Variants in CNTNAP5 observed in about 807,000 individuals in gnomAD.
CNTNAP5 encodes the protein contactin associated protein family member 5, also known as contactin-associated protein-like 5.
In CNTNAP5, 72 loss-of-function variants were observed where a neutral mutation model predicts 150.2. The observed-to-expected ratio is 0.48, with a 90% CI of 0.40 to 0.58. The LOEUF (loss-of-function observed/expected upper bound fraction) is 0.58. CNTNAP5 is among the 20% of genes least tolerant of loss of function. The pLI, the probability that CNTNAP5 is intolerant of heterozygous loss-of-function variation, is 0.00. For missense variants in CNTNAP5, 1,636 were observed against 1,626.2 expected (o/e 1.01, Z -0.10); for synonymous variants, 672 against 619.8 (o/e 1.08, Z -1.25).
intron 22 of CNTNAP5, 88 bp downstream of exon 22, chr2:124,903,188 A>G (rs1678451053): frequency 1.3e-6 from 1 of 795,242 alleles, no homozygotes; most frequent in Non-Finnish European, 1.9e-6. Flanking sequence ...AGAGTTGGCT[A>G]ATGTGACTCA....
chr2:124,420,792 G>A (rs944192685), intron 4 of CNTNAP5, among the ~76,000 whole-genome samples: 2 of 152,104 alleles, frequency 1.3e-5, no homozygotes, highest in Admixed American at 6.5e-5. Flanking sequence ...ATGTACTTCA[G>A]GCACGTTTAA....
At chr2:124,686,203 G>T (rs186903606) in intron 13 of CNTNAP5, among the ~76,000 whole-genome samples, 142 of 152,166 alleles carry the variant, frequency 9.3e-4, no homozygotes, top group Middle Eastern at 6.8e-3. Flanking sequence ...ACTCAGCTGT[G>T]AGCTGGCAAC....
At chr2:124,409,352 G>A (rs372698972) in intron 3 of CNTNAP5, among the ~76,000 whole-genome samples, 27 of 23,154 alleles carry the variant, frequency 1.2e-3, no homozygotes, top group South Asian at 2.1e-3. Context: ...GCAGGCCAAC[G>A]TTCAGATTCA....
intron 3 of CNTNAP5, among the ~76,000 whole-genome samples, chr2:124,407,154 T>C (rs1182171697): frequency 6.6e-6 from 1 of 151,978 alleles, no homozygotes; most frequent in Non-Finnish European, 1.5e-5. Flanking sequence ...AACATGGGGG[T>C]GCAGGTATCC....
chr2:124,765,193 A>T (rs1681043985), intron 16 of CNTNAP5, among the ~76,000 whole-genome samples: 1 of 152,086 alleles, frequency 6.6e-6, no homozygotes, highest in Non-Finnish European at 1.5e-5. Context: ...TTACTTCAGG[A>T]TTGATTCTAG....
At chr2:124,604,530 G>A (rs913447563) in intron 11 of CNTNAP5, among the ~76,000 whole-genome samples, 5 of 152,168 alleles carry the variant, frequency 3.3e-5, no homozygotes, top group African/African-American at 9.7e-5. Flanking sequence ...TAAAGTGAAA[G>A]CATCAACCAT....
intron 3 of CNTNAP5, among the ~76,000 whole-genome samples, chr2:124,351,982 C>T (rs1689883720): frequency 6.6e-6 from 1 of 151,966 alleles, no homozygotes; most frequent in South Asian, 2.1e-4. Flanking sequence ...AGGACTTGAA[C>T]TTAATTGGCA....
intron 3 of CNTNAP5, among the ~76,000 whole-genome samples, chr2:124,248,991 T>C (rs998365230): frequency 2.0e-5 from 3 of 152,146 alleles, no homozygotes; most frequent in African/African-American, 7.2e-5. Flanking sequence ...CAACTTGTAA[T>C]TGTATTTTCA....
chr2:124,044,056 G>A (rs1215593358), intron 1 of CNTNAP5, among the ~76,000 whole-genome samples: 1 of 152,086 alleles, frequency 6.6e-6, no homozygotes, highest in East Asian at 1.9e-4. Context: ...TTTAAGCCCT[G>A]TATTATATGC....
intron 3 of CNTNAP5, among the ~76,000 whole-genome samples, chr2:124,255,827 G>C (rs1687298849): frequency 6.6e-6 from 1 of 152,042 alleles, no homozygotes; most frequent in Non-Finnish European, 1.5e-5. Flanking sequence ...GAGCTTCCAA[G>C]GCTGTATCTT....
chr2:124,155,646 C>G (rs960376866), intron 1 of CNTNAP5, among the ~76,000 whole-genome samples: 63 of 152,132 alleles, frequency 4.1e-4, no homozygotes, highest in African/African-American at 1.3e-3. Flanking sequence ...GTTTGAACAC[C>G]TCAGCTCTTG....
chr2:124,912,745 CTA>C (rs139947585), intron 23 of CNTNAP5, among the ~76,000 whole-genome samples: 270 of 152,182 alleles, frequency 1.8e-3, no homozygotes, highest in African/African-American at 6.1e-3. Flanking sequence ...TTTACGTGCT[CTA>C]TGAGTCTCTT....
chr2:124,806,686 T>C (rs1230587696), intron 19 of CNTNAP5, among the ~76,000 whole-genome samples: 2 of 152,228 alleles, frequency 1.3e-5, no homozygotes, highest in African/African-American at 4.8e-5. Flanking sequence ...TGATGCTTCA[T>C]TGTTTATAGA....
chr2:124,057,234 G>A (rs1044389379), intron 1 of CNTNAP5, among the ~76,000 whole-genome samples: 10 of 149,956 alleles, frequency 6.7e-5, no homozygotes, highest in Non-Finnish European at 1.2e-4. Flanking sequence ...CTTTATACCT[G>A]ACTCTTTCTT....
At chr2:124,557,124 A>C (rs1695775976) in intron 10 of CNTNAP5, among the ~76,000 whole-genome samples, 1 of 152,170 alleles carries the variant, frequency 6.6e-6, no homozygotes, top group Non-Finnish European at 1.5e-5. Context: ...TTAGGGCCCA[A>C]AAATACAGCT....
chr2:124,239,798 T>C (rs1686841337), intron 2 of CNTNAP5, among the ~76,000 whole-genome samples: 1 of 152,060 alleles, frequency 6.6e-6, no homozygotes, highest in South Asian at 2.1e-4. Context: ...TTTTTTGAAA[T>C]ATAAAACCTC....
In CNTNAP5 at chr2:124,772,932, G is replaced by A; in HGVS notation, c.2667G>A (p.Leu889=). The change falls in exon 17 of 24, where the codon CTG becomes CTA. Residue 889 remains leucine, a synonymous_variant. Coordinates refer to ENST00000682447, the MANE Select transcript of CNTNAP5 (RefSeq NM_001367498.1). The stretch of plus-strand genomic sequence containing the variant: ...AGAGGAACCTCAAGGAGACCTCCCT[G>A]CAGGTGGACAACCTTCCAAGGAGCA... ...RAERNLKETS[L]QVDNLPRSTR... is the part of the protein sequence containing the mutation. The A allele has an allele frequency of 6.2e-7, 1 of 1,613,774 alleles. No individual in the cohort carries two copies. The highest frequency in any genetic ancestry group is 8.5e-7 in the Non-Finnish European group (1 of 1,179,742).
At chr2:124,470,863 A>G (rs1336872188) in intron 6 of CNTNAP5, among the ~76,000 whole-genome samples, 1 of 152,084 alleles carries the variant, frequency 6.6e-6, no homozygotes, top group Admixed American at 6.6e-5. Context: ...GTTTTGTCGA[A>G]GATCAGATGA....
At chr2:124,470,983 A>G (rs1334382993) in intron 6 of CNTNAP5, among the ~76,000 whole-genome samples, 1 of 152,112 alleles carries the variant, frequency 6.6e-6, no homozygotes, top group Non-Finnish European at 1.5e-5. Flanking sequence ...GCCTTGTAGT[A>G]TAGTTTGAAG....
Sources: gnomAD v4.1 joint callset for allele counts (sites outside exome capture counted in the v4.1 genomes callset) on GRCh38, gnomAD v4.1.1 for gene constraint, MANE v1.5 for transcripts, NCBI Gene and HGNC (gene_info 2026-07-23, HGNC 2026-07-21) for gene names.